The following RPL31 variants were observed in gnomAD, a reference collection of about 807,000 sequenced individuals.
RPL31 encodes the protein large ribosomal subunit protein eL31.
For synonymous variants in RPL31, 51 were observed against 55.0 expected (o/e 0.93, Z 0.32); for missense variants, 95 against 164.0 (o/e 0.58, Z 2.30).
chr2:101,019,528 A>G (rs981809258), exon 5 of RPL31: 6 of 153,012 alleles, frequency 3.9e-5, no homozygotes, highest in African/African-American at 1.4e-4. Context: ...AGGCTTTTTT[A>G]ACTGCATCAA....
At chr2:101,015,600 T>C (rs1013738009) in intron 4 of RPL31, among the ~76,000 whole-genome samples, 6 of 152,218 alleles carry the variant, frequency 3.9e-5, no homozygotes, top group Non-Finnish European at 5.9e-5. Context: ...CTTTTTAACT[T>C]TTCTGTTAAA....
intron 4 of RPL31, among the ~76,000 whole-genome samples, chr2:101,013,442 C>T (rs975151905): frequency 2.6e-5 from 4 of 152,210 alleles, no homozygotes; most frequent in Admixed American, 2.6e-4. Context: ...ATTCAAGCGT[C>T]TAAATGGATT....
Position 101,002,721 on chromosome 2 carries a change from G to A in RPL31, c.20G>A (p.Gly7Asp), listed in dbSNP as rs1367067092. Residue 7 changes from glycine (G) to aspartate (D), a missense_variant, in exon 2 of 5, where the codon GGT becomes GAT. Physicochemically the swap from Gly to Asp is moderately conservative, Grantham distance 94. Coordinates refer to ENST00000264258, the MANE Select transcript of RPL31 (RefSeq NM_000993.5). ...ATTTAGATGGCTCCCGCAAAGAAGG[G>A]TGGCGAGAAGAAAAAGGGCCGTTCT... MAPAKK[G>D]GEKKKGRSAI... The A allele has an allele frequency of 1.2e-6, 2 of 1,613,990 alleles. No individual in the cohort carries two copies. Among genetic ancestry groups the A allele is most frequent in the Admixed American group, 1.7e-5 (1 of 60,012 alleles).
chr2:101,004,392 TA>T, intron 3 of RPL31, 109 bp downstream of exon 3: 1 of 1,169,108 alleles, frequency 8.6e-7, no homozygotes, highest in Non-Finnish European at 1.2e-6. Flanking sequence ...CATGTGGAAG[TA>T]TAAAAAAAAA....
At chr2:101,009,912 CCCGGGTTCATGCCATTCTCCTGCCTCAG>C (rs979866790), downstream of RPL31, among the ~76,000 whole-genome samples, 8 of 151,164 alleles carry the variant, frequency 5.3e-5, no homozygotes, top group African/African-American at 1.7e-4. Flanking sequence ...AGCTCCGCCT[CCCGGGTTCATGCCATTCTCCTGCCTCAG>C]CCTCCCGAGT....
intron 2 of RPL31, 91 bp from the exon 3 acceptor site, chr2:101,004,067 C>T (rs766430205): frequency 3.4e-5 from 49 of 1,434,882 alleles, no homozygotes; most frequent in Non-Finnish European, 4.6e-5. Flanking sequence ...AGTCAGTTTC[C>T]AGGAGCCTAT....
At chr2:101,009,298 C>T (rs891299797), downstream of RPL31, among the ~76,000 whole-genome samples, 2 of 150,534 alleles carry the variant, frequency 1.3e-5, no homozygotes, top group South Asian at 2.1e-4. Context: ...CCCAGCTACT[C>T]GGGAAGCTGA....
chr2:101,002,863 G>A, intron 2 of RPL31, 55 bp downstream of exon 2: 1 of 1,279,460 alleles, frequency 7.8e-7, no homozygotes, highest in Non-Finnish European at 1.1e-6. Context: ...GGTTGTTACC[G>A]AGAGATGTGC....
chr2:101,008,819 A>T (rs1307252335), downstream of RPL31, among the ~76,000 whole-genome samples: 3 of 152,098 alleles, frequency 2.0e-5, no homozygotes, highest in African/African-American at 7.2e-5. Flanking sequence ...CTTAAAAAAA[A>T]AAAAATGAAA....
rs989140793 is a variant in RPL31, at chr2:101,013,385, GT to G, written c.347-5610del. ...TCTTTTTACATGAGATATTTGGGCT[GT>G]TTAAACATGACCTTATTTTTCATTC... On this transcript the variant is annotated intron_variant, in intron 4 of 4. Coordinates refer to the RPL31 transcript ENST00000409028. 1.4e-4 allele frequency among the ~76,000 whole-genome samples: 21 copies of G among 152,328 alleles called. No individual in the cohort carries two copies. In the East Asian group the frequency reaches 4.1e-3, roughly 29 times the overall value.
intron 4 of RPL31, chr2:101,017,898 A>C: frequency 6.4e-7 from 1 of 1,550,966 alleles, no homozygotes. Flanking sequence ...GATTGTCACC[A>C]TCAGTGAGAA....
downstream of RPL31, chr2:101,008,404 T>A: frequency 2.7e-6 from 2 of 736,738 alleles, no homozygotes; most frequent in South Asian, 2.3e-5. Context: ...GAAAAGGTAG[T>A]CTCTGCCTTT....
intron 4 of RPL31, among the ~76,000 whole-genome samples, chr2:101,015,832 C>T (rs1455861902): frequency 1.3e-5 from 2 of 152,108 alleles, no homozygotes; most frequent in Non-Finnish European, 2.9e-5. Flanking sequence ...AAAGGATTCC[C>T]TATTTAATAA....
downstream of RPL31, chr2:101,011,391 G>A (rs1679198695): frequency 8.4e-6 from 13 of 1,553,630 alleles, no homozygotes; most frequent in South Asian, 1.1e-4. Flanking sequence ...GGGCAACCCC[G>A]GTGCCTCCCG....
chr2:101,012,154 G>A (rs1297708258), downstream of RPL31, among the ~76,000 whole-genome samples: 1 of 152,080 alleles, frequency 6.6e-6, no homozygotes, highest in Non-Finnish European at 1.5e-5. Flanking sequence ...AAACAGTCTG[G>A]CAGTTTTTAA....
At chr2:101,006,234 T>TG (rs34763346) in intron 4 of RPL31, 116 bp from the exon 5 acceptor site, 322,810 of 1,522,132 alleles carry the variant, frequency 0.21, 35,216 homozygotes, top group Middle Eastern at 0.23. Flanking sequence ...GATCCATATC[T>TG]GGGATGTAAA....
intron 4 of RPL31, chr2:101,018,444 T>G (rs1381539368): frequency 6.4e-6 from 1 of 157,034 alleles, no homozygotes; most frequent in African/African-American, 2.4e-5. Flanking sequence ...CTCAACTTCT[T>G]GACAGAACTC....
At chr2:101,008,092 G>C (rs1281789390), downstream of RPL31, 1 of 1,613,916 alleles carries the variant, frequency 6.2e-7, no homozygotes, top group South Asian at 1.1e-5. Flanking sequence ...AGAAGGAGCT[G>C]AAGCCCGCAG....
chr2:101,005,921 A>T (rs756655197), intron 3 of RPL31, 38 bp from the exon 4 acceptor site: 4 of 1,545,600 alleles, frequency 2.6e-6, no homozygotes, highest in Non-Finnish European at 3.6e-6. Flanking sequence ...GGTTGAAAGG[A>T]GGCATTGACT....
Sources: allele counts gnomAD v4.1 joint callset (sites outside exome capture counted in the v4.1 genomes callset), GRCh38; gene constraint gnomAD v4.1.1; transcripts MANE v1.5; gene names NCBI Gene and HGNC (gene_info 2026-07-23, HGNC 2026-07-21).